The following SETBP1 variants were observed in gnomAD, a reference collection of about 807,000 sequenced individuals.
SETBP1 encodes SET-binding protein.
Under a neutral mutation model 101.0 loss-of-function variants are expected in SETBP1, and 9 were observed. That is an observed-to-expected ratio of 0.09 (90% confidence interval 0.05 to 0.16). The LOEUF (loss-of-function observed/expected upper bound fraction) is 0.16. Among genes scored for constraint, SETBP1 ranks in the 10% least tolerant of loss-of-function variants. SETBP1 has a pLI of 1.00. For missense variants in SETBP1, 1,858 were observed against 2,033.8 expected, an observed-to-expected ratio of 0.91 and a Z score of 1.66; for synonymous variants, 818 against 788.5, an observed-to-expected ratio of 1.04 and a Z score of -0.63.
chr18:44,829,462 A>G (rs2072310459), intron 2 of SETBP1, among the ~76,000 whole-genome samples: 1 of 152,216 alleles, frequency 6.6e-6, no homozygotes. Context: ...GAAAAAATAA[A>G]CTGCTTAAGA....
intron 2 of SETBP1, among the ~76,000 whole-genome samples, chr18:44,706,315 G>A (rs1378608973): frequency 1.3e-5 from 2 of 152,106 alleles, no homozygotes; most frequent in Non-Finnish European, 2.9e-5. Context: ...GCTGGGCACA[G>A]TGGCTCCTGC....
At chr18:44,966,118 C>T (rs567947196) in intron 4 of SETBP1, among the ~76,000 whole-genome samples, 163 of 152,222 alleles carry the variant, frequency 1.1e-3, no homozygotes, top group Non-Finnish European at 1.8e-3. Flanking sequence ...TTTCATGGAA[C>T]GCCTATGAAG....
Position 45,063,482 on chromosome 18 carries a change from ACCG to A in SETBP1, c.4584_4586del (p.Pro1529del). 1.0e-6 allele frequency: 1 copy of A among 958,638 alleles called. No individual in the cohort carries two copies. The highest frequency in any genetic ancestry group is 1.3e-6 in the Non-Finnish European group (1 of 777,590). The allele number at this position is 958,638 out of a possible 1,614,324, so 59.4% of individuals were successfully genotyped here. The stretch of plus-strand genomic sequence containing the variant: ...GGGAGGCGCCGCCCCTGCCCCCGCC[ACCG>A]CCGCCGCCCCTGCCGCCACCGCCGC... On this transcript the variant is annotated inframe_deletion, in exon 6 of 6. Transcript: ENST00000649279.
At chr18:44,815,648 A>T (rs1409729296) in intron 2 of SETBP1, among the ~76,000 whole-genome samples, 4 of 152,220 alleles carry the variant, frequency 2.6e-5, no homozygotes, top group Non-Finnish European at 5.9e-5. Flanking sequence ...GGCAAGTGAT[A>T]GGACTCATGT....
At chr18:44,702,401 G>C (rs1327172530) in intron 2 of SETBP1, among the ~76,000 whole-genome samples, 3 of 152,116 alleles carry the variant, frequency 2.0e-5, no homozygotes, top group Non-Finnish European at 4.4e-5. Flanking sequence ...GGAATATTTA[G>C]AGACTCAAGA....
chr18:44,725,051 G>T (rs536688468), intron 2 of SETBP1, among the ~76,000 whole-genome samples: 1 of 152,082 alleles, frequency 6.6e-6, no homozygotes, highest in East Asian at 1.9e-4. Flanking sequence ...TTAGCACATG[G>T]TCACTGGCAA....
At chr18:45,014,372 C>T (rs2072900967) in intron 4 of SETBP1, among the ~76,000 whole-genome samples, 1 of 152,226 alleles carries the variant, frequency 6.6e-6, no homozygotes, top group Admixed American at 6.5e-5. Context: ...GGAATCTGTG[C>T]TGGTGACTCA....
chr18:44,911,048 T>C (rs530737921), intron 3 of SETBP1, among the ~76,000 whole-genome samples: 42 of 152,320 alleles, frequency 2.8e-4, no homozygotes, highest in African/African-American at 9.9e-4. Context: ...GTAATTTCTT[T>C]GGGAAAGAAA....
At chr18:44,927,494 G>C (rs557913879) in intron 3 of SETBP1, among the ~76,000 whole-genome samples, 2 of 152,238 alleles carry the variant, frequency 1.3e-5, no homozygotes, top group African/African-American at 4.8e-5. Flanking sequence ...CTAAGAAAAG[G>C]GGATAAGGTG....
intron 3 of SETBP1, among the ~76,000 whole-genome samples, chr18:44,873,887 T>TA (rs1317818704): frequency 6.6e-6 from 1 of 152,334 alleles, no homozygotes; most frequent in African/African-American, 2.4e-5. Context: ...GGTATACTGC[T>TA]AAAAAAGCCC....
At chr18:44,726,682 TG>T (rs1193975557) in intron 2 of SETBP1, among the ~76,000 whole-genome samples, 10 of 152,214 alleles carry the variant, frequency 6.6e-5, no homozygotes, top group African/African-American at 2.4e-4. Context: ...TGATTCTAAG[TG>T]ACATGAACTT....
At chr18:44,969,859 C>A (rs373789140) in intron 4 of SETBP1, among the ~76,000 whole-genome samples, 2 of 152,188 alleles carry the variant, frequency 1.3e-5, no homozygotes, top group Non-Finnish European at 2.9e-5. Context: ...ACACAACACT[C>A]CCCTTAAACT....
chr18:45,026,623 C>G (rs2073169800), intron 4 of SETBP1, among the ~76,000 whole-genome samples: 1 of 152,180 alleles, frequency 6.6e-6, no homozygotes, highest in Non-Finnish European at 1.5e-5. Flanking sequence ...CTAAATTGGT[C>G]TTACTTACAT....
chr18:44,883,822 G>T (rs923594625), intron 3 of SETBP1, among the ~76,000 whole-genome samples: 1 of 152,080 alleles, frequency 6.6e-6, no homozygotes, highest in African/African-American at 2.4e-5. Context: ...TTGCAGAACT[G>T]GGTTTAAAAT....
intron 2 of SETBP1, among the ~76,000 whole-genome samples, chr18:44,797,658 C>T (rs1022570953): frequency 3.3e-5 from 5 of 152,172 alleles, no homozygotes; most frequent in Non-Finnish European, 5.9e-5. Flanking sequence ...GAGTCCTGCT[C>T]TTTCCTTGAA....
chr18:44,713,297 C>T (rs2069386498), intron 2 of SETBP1, among the ~76,000 whole-genome samples: 1 of 152,118 alleles, frequency 6.6e-6, no homozygotes, highest in African/African-American at 2.4e-5. Flanking sequence ...CTTTCCAACT[C>T]CCTAAGGCAT....
chr18:44,819,017 C>T (rs534894010), intron 2 of SETBP1, among the ~76,000 whole-genome samples: 2 of 151,822 alleles, frequency 1.3e-5, no homozygotes, highest in Non-Finnish European at 2.9e-5. Flanking sequence ...TGTATACACA[C>T]ACATTTACTT....
chr18:45,018,925 G>A (rs1337734191), intron 4 of SETBP1, among the ~76,000 whole-genome samples: 3 of 152,188 alleles, frequency 2.0e-5, no homozygotes, highest in Non-Finnish European at 4.4e-5. Context: ...GAGCAGGAAG[G>A]AACCTAGGAC....
rs2071346395 is a variant in SETBP1, at chr18:44,951,376, A to T, written c.2036A>T (p.Asn679Ile). 6.2e-7 allele frequency: 1 copy of T among 1,614,124 alleles called. No individual in the cohort carries two copies. The highest frequency in any genetic ancestry group is 2.2e-5 in the East Asian group (1 of 44,864). ...ACACTCAAGAGGAAAAACATCTTGA[A>T]TCAGATCTTGTCCTGTTCCAGCAGC... ...MKTLKRKNIL[N>I]QILSCSSSVA... The change falls in exon 4 of 6, where the codon AAT becomes ATT. Residue 679 changes from asparagine to isoleucine, a missense_variant. Transcript: ENST00000649279. This position sits in a 1 kb window ranked among gnomAD's most constrained non-coding sequence, Gnocchi z 7.8.
Sources: allele counts gnomAD v4.1 joint callset (sites outside exome capture counted in the v4.1 genomes callset), GRCh38; gene constraint gnomAD v4.1.1; non-coding constraint Gnocchi (gnomAD v3.1); transcripts MANE v1.5; gene names NCBI Gene and HGNC (gene_info 2026-07-23, HGNC 2026-07-21).